PAPOLA: variants seen among roughly 807,000 people sequenced by gnomAD.
The protein encoded by PAPOLA is poly(A) polymerase alpha.
PAPOLA carries 15 observed loss-of-function variants against 100.6 expected under a neutral mutation model. The ratio of observed to expected loss-of-function variants is 0.15; its 90% CI spans 0.10 to 0.23. The LOEUF (loss-of-function observed/expected upper bound fraction) is 0.23. PAPOLA is among the 10% of genes least tolerant of loss of function. The probability of loss-of-function intolerance (pLI) is 1.00; values close to 1 mark genes in which losing one functional copy is unlikely to be tolerated. For synonymous variants in PAPOLA, 293 were observed against 300.0 expected (o/e 0.98, Z 0.24); for missense variants, 533 against 884.2 (o/e 0.60, Z 5.04).
intron 16 of PAPOLA, 120 bp from the exon 17 acceptor site, chr14:96,552,360 T>G (rs1278591703): frequency 1.1e-6 from 1 of 920,784 alleles, no homozygotes; most frequent in Non-Finnish European, 1.6e-6. Context: ...CATCTAACTT[T>G]CGTAGATTTA....
intron 1 of PAPOLA, among the ~76,000 whole-genome samples, chr14:96,509,965 CTT>C (rs11372552): frequency 2.4e-5 from 2 of 84,420 alleles, no homozygotes; most frequent in Admixed American, 1.3e-4. Context: ...GTGGGAGTTG[CTT>C]TTTTTTTTTT....
At chr14:96,547,982 T>G in intron 16 of PAPOLA, 64 bp downstream of exon 16, 1 of 1,355,220 alleles carries the variant, frequency 7.4e-7, no homozygotes, top group South Asian at 1.4e-5. Flanking sequence ...TGGACTATCA[T>G]TATTTCAGAA....
chr14:96,553,806 C>T (rs1901061178), intron 17 of PAPOLA, among the ~76,000 whole-genome samples: 1 of 152,166 alleles, frequency 6.6e-6, no homozygotes, highest in Admixed American at 6.5e-5. Context: ...AGCCACCACG[C>T]CCGGCCTGTA....
In PAPOLA at chr14:96,566,741, A is replaced by G. The variant is rs1203659560; in HGVS notation, c.*1691A>G. The stretch of plus-strand genomic sequence containing the variant: ...GAAGAAAAAAGATGGTCATACTAAC[A>G]GGTGAAATGTACAAGGTGTCTGTGT... On this transcript the variant is annotated 3_prime_UTR_variant, in exon 22 of 22. Coordinates refer to ENST00000216277, the MANE Select transcript of PAPOLA (RefSeq NM_032632.5). 1 of 152,546 alleles carries G rather than the reference A, an allele frequency of 6.6e-6. No individual in the cohort carries two copies. The highest frequency in any genetic ancestry group is 1.5e-5 in the Non-Finnish European group (1 of 67,988). 9.4% of individuals were successfully genotyped at this position (152,546 alleles called of 1,614,324 possible).
chr14:96,508,446 T>C (rs550504653), intron 1 of PAPOLA, among the ~76,000 whole-genome samples: 1 of 152,220 alleles, frequency 6.6e-6, no homozygotes, highest in African/African-American at 2.4e-5. Context: ...TATTTTTTGG[T>C]AGAGAAGTTG....
At chr14:96,517,698 C>CTTTTT (rs774296764) in intron 1 of PAPOLA, among the ~76,000 whole-genome samples, 10 of 121,860 alleles carry the variant, frequency 8.2e-5, no homozygotes, top group Non-Finnish European at 1.4e-4. Context: ...TCAGCAAATG[C>CTTTTT]TTTTTTTTTT....
chr14:96,521,420 T>C (rs1359801571), intron 3 of PAPOLA, among the ~76,000 whole-genome samples: 2 of 152,220 alleles, frequency 1.3e-5, no homozygotes, highest in Non-Finnish European at 2.9e-5. Context: ...TTTTAAGAAA[T>C]TCTGCCACAG....
chr14:96,551,358 A>G (rs1488267105), intron 16 of PAPOLA, among the ~76,000 whole-genome samples: 2 of 152,156 alleles, frequency 1.3e-5, no homozygotes, highest in African/African-American at 2.4e-5. Context: ...TGTTGAATAG[A>G]AGAGATACTC....
At chr14:96,536,437 A>G (rs765097072) in intron 11 of PAPOLA, among the ~76,000 whole-genome samples, 1 of 152,122 alleles carries the variant, frequency 6.6e-6, no homozygotes, top group East Asian at 1.9e-4. Flanking sequence ...ATTTGAAGGT[A>G]TAGCTACTAC....
chr14:96,565,632 T>TA lies in PAPOLA; in HGVS notation c.*583dup, dbSNP rs1167990579. ...ACCCTTAAAAATGAAACGTCAACTC[T>TA]AGGGTACATTTGACATTGAAAGAAT... is the stretch of plus-strand genomic sequence containing the variant. On this transcript the variant is annotated 3_prime_UTR_variant, in exon 22 of 22. Coordinates refer to ENST00000216277, the MANE Select transcript of PAPOLA (RefSeq NM_032632.5). The TA allele has an allele frequency of 1.0e-5, 4 of 396,144 alleles. No homozygotes were observed. In the East Asian group the frequency reaches 1.1e-4, roughly 11 times the overall value. 24.5% of individuals were successfully genotyped at this position (396,144 alleles called of 1,614,324 possible). A position where few individuals can be genotyped will look rare whatever the true frequency, so the allele number is the denominator to read the frequency against.
At chr14:96,527,144 AATAAT>A in intron 4 of PAPOLA, 2 of 383,528 alleles carry the variant, frequency 5.2e-6, no homozygotes, top group Non-Finnish European at 4.7e-6. Context: ...TGTATGTTTG[AATAAT>A]TCCCTCTCCA....
Position 96,562,875 on chromosome 14 carries a change from TTCTCTGTTGGCC to T in PAPOLA, c.2129_2140del (p.Leu710_Ser713del). The T allele has an allele frequency of 6.2e-7, 1 of 1,611,484 alleles. No homozygotes were observed. The highest frequency in any genetic ancestry group is 1.1e-5 in the South Asian group (1 of 91,006). ...AATCAGAAACTATTCAGACAGCGGCTTCTCTGTTGGCCTCTCAGGTACTAAGTGCAAAAAGCA... is the reference window on the plus strand; with the variant it reads ...AATCAGAAACTATTCAGACAGCGGCTTCTCAGGTACTAAGTGCAAAAAGCA... On this transcript the variant is annotated inframe_deletion, in exon 21 of 22. Coordinates refer to ENST00000216277, the MANE Select transcript of PAPOLA (RefSeq NM_032632.5).
chr14:96,541,089 C>T (rs529174629), intron 12 of PAPOLA, among the ~76,000 whole-genome samples: 1 of 152,278 alleles, frequency 6.6e-6, no homozygotes, highest in South Asian at 2.1e-4. Context: ...CGGAGTTTCA[C>T]TGTGTTAGCC....
chr14:96,559,606 C>CAT (rs1177075244), intron 19 of PAPOLA, among the ~76,000 whole-genome samples: 11 of 143,634 alleles, frequency 7.7e-5, no homozygotes, highest in South Asian at 2.3e-4. Flanking sequence ...TACACACACA[C>CAT]ATATATATAT....
Position 96,527,501 on chromosome 14 carries a change from G to A in PAPOLA, c.403G>A (p.Asp135Asn). ...DRSDFFTSFYDKLKLQEEVKD... is the reference protein window; with the variant it reads ...DRSDFFTSFYNKLKLQEEVKD... ...AAGTGACTTTTTCACCTCATTCTATGATAAGTTGAAATTACAGGAAGAAGT... is the reference window on the plus strand; with the variant it reads ...AAGTGACTTTTTCACCTCATTCTATAATAAGTTGAAATTACAGGAAGAAGT... The change falls in exon 5 of 22, where the codon GAT (aspartate) becomes AAT (asparagine). Residue 135 changes from aspartate to asparagine, a missense_variant. Physicochemically the swap from Asp to Asn is conservative, Grantham distance 23. Transcript: ENST00000216277. The A allele has an allele frequency of 1.2e-6, 2 of 1,606,982 alleles. No individual in the cohort carries two copies. The highest frequency in any genetic ancestry group is 4.5e-5 in the East Asian group (2 of 44,828).
intron 1 of PAPOLA, among the ~76,000 whole-genome samples, chr14:96,516,874 A>C (rs1412633804): frequency 2.0e-5 from 3 of 152,214 alleles, no homozygotes; most frequent in African/African-American, 4.8e-5. Context: ...TCTAGTGAGA[A>C]AGTTAAAGTA....
At chr14:96,506,598 A>G (rs1410034408) in intron 1 of PAPOLA, among the ~76,000 whole-genome samples, 1 of 152,218 alleles carries the variant, frequency 6.6e-6, no homozygotes. Context: ...TTGCTTTTCC[A>G]TCATGAGCTT....
intron 19 of PAPOLA, among the ~76,000 whole-genome samples, chr14:96,560,225 A>T (rs1901723816): frequency 6.6e-6 from 1 of 152,194 alleles, no homozygotes; most frequent in Non-Finnish European, 1.5e-5. Context: ...TGGGAAAATT[A>T]AAGTGGAGTT....
intron 1 of PAPOLA, 44 bp downstream of exon 1, chr14:96,502,644 C>A: frequency 6.4e-7 from 1 of 1,558,144 alleles, no homozygotes; most frequent in African/African-American, 1.4e-5. Context: ...CCGGCTGGGC[C>A]TTGGGGGGCG....
Sources: gnomAD v4.1 joint callset for allele counts (sites outside exome capture counted in the v4.1 genomes callset) on GRCh38, gnomAD v4.1.1 for gene constraint, MANE v1.5 for transcripts, NCBI Gene and HGNC (gene_info 2026-07-23, HGNC 2026-07-21) for gene names.